CYRIA: variants seen among roughly 807,000 people sequenced by gnomAD.
CYRIA encodes the protein CYFIP-related Rac1 interactor A.
In CYRIA, 15 loss-of-function variants were observed where a neutral mutation model predicts 43.9. The observed-to-expected ratio is 0.34, with a 90% CI of 0.23 to 0.53. The LOEUF (loss-of-function observed/expected upper bound fraction) is 0.53. Among genes scored for constraint, CYRIA ranks in the 20% least tolerant of loss-of-function variants. CYRIA has a pLI of 0.94. For missense variants in CYRIA, 236 were observed against 394.2 expected (o/e 0.60, Z 3.40); for synonymous variants, 117 against 136.0 (o/e 0.86, Z 0.97).
chr2:16,645,019 G>A (rs988054182), intron 1 of CYRIA, among the ~76,000 whole-genome samples: 3 of 152,180 alleles, frequency 2.0e-5, no homozygotes, highest in African/African-American at 7.2e-5. Context: ...AGGAAAGAAA[G>A]CCTTGGGACA....
intron 3 of CYRIA, among the ~76,000 whole-genome samples, chr2:16,579,557 T>G (rs1667477127): frequency 1.3e-5 from 2 of 151,532 alleles, no homozygotes; most frequent in Non-Finnish European, 2.9e-5. Flanking sequence ...AAGCACAAAG[T>G]GAAAAGGTGT....
chr2:16,550,522 G>A lies in CYRIA; in HGVS notation c.*2414C>T, dbSNP rs1196204320. The A allele has an allele frequency of 6.6e-6, 1 of 152,122 alleles. No individual in the cohort carries two copies. The highest frequency in any genetic ancestry group is 1.5e-5 in the Non-Finnish European group (1 of 68,016). 9.4% of individuals were successfully genotyped at this position (152,122 alleles called of 1,614,324 possible). ...GACTTCTCAGAATCCATGTACTGCTGAGTCTTGGCTTTGAGACAAGACAAG... is the reference window on the plus strand; with the variant it reads ...GACTTCTCAGAATCCATGTACTGCTAAGTCTTGGCTTTGAGACAAGACAAG... On this transcript the variant is annotated 3_prime_UTR_variant, in exon 12 of 12. Coordinates refer to ENST00000381323, the MANE Select transcript of CYRIA (RefSeq NM_030797.4).
chr2:16,582,076 C>T lies in CYRIA; in HGVS notation c.70+5974G>A, dbSNP rs199950930. On this transcript the variant is annotated intron_variant, in intron 3 of 11. Coordinates refer to ENST00000381323, the MANE Select transcript of CYRIA (RefSeq NM_030797.4). ...GGTAGGTAGACTGCCTGGGAAGGGGCTTGATGGAACTTTCTGGAGTGACAT... is the reference window on the plus strand; with the variant it reads ...GGTAGGTAGACTGCCTGGGAAGGGGTTTGATGGAACTTTCTGGAGTGACAT... 5.3e-5 allele frequency among the ~76,000 whole-genome samples: 8 copies of T among 152,204 alleles called. No homozygotes were observed. The East Asian group carries it at 1.4e-3, about 26-fold the overall frequency.
At chr2:16,657,480 GT>G (rs5829557) in intron 1 of CYRIA, among the ~76,000 whole-genome samples, 47,412 of 140,312 alleles carry the variant, frequency 0.34, 8,314 homozygotes, top group African/African-American at 0.5. Flanking sequence ...GTTTTTTGTT[GT>G]TTTTTTTTTT....
At chr2:16,560,657 A>G in intron 9 of CYRIA, 1 of 333,024 alleles carries the variant, frequency 3.0e-6, no homozygotes, top group South Asian at 3.6e-5. Context: ...CTTCTCTACA[A>G]TATATTTATC....
At chr2:16,557,383 C>T (rs1051850713) in intron 10 of CYRIA, among the ~76,000 whole-genome samples, 12 of 151,852 alleles carry the variant, frequency 7.9e-5, no homozygotes, top group African/African-American at 2.7e-4. Flanking sequence ...AAAGCATGCC[C>T]TTTGTAAGTA....
intron 10 of CYRIA, among the ~76,000 whole-genome samples, chr2:16,557,134 C>T (rs1666551920): frequency 6.6e-6 from 1 of 152,172 alleles, no homozygotes; most frequent in Non-Finnish European, 1.5e-5. Context: ...TCCCCAAACC[C>T]TCCTTTCCTG....
chr2:16,606,956 C>T (rs1473193722), intron 2 of CYRIA, among the ~76,000 whole-genome samples: 1 of 151,542 alleles, frequency 6.6e-6, no homozygotes, highest in Non-Finnish European at 1.5e-5. Flanking sequence ...TATGTTGGTA[C>T]CGAAACAAAA....
chr2:16,588,033 T>C lies in CYRIA; in HGVS notation c.70+17A>G. The C allele has an allele frequency of 6.5e-7, 1 of 1,539,264 alleles. No individual in the cohort carries two copies. The highest frequency in any genetic ancestry group is 1.2e-5 in the South Asian group (1 of 86,650). ...GAATGTAAAAAAGTTTCCATTATTA[T>C]AATTTTTGGAACTTACTTTCAAAAT... On this transcript the variant is annotated intron_variant, in intron 3 of 11. Coordinates refer to ENST00000381323, the MANE Select transcript of CYRIA (RefSeq NM_030797.4).
At chr2:16,585,298 G>A (rs114690780) in intron 3 of CYRIA, among the ~76,000 whole-genome samples, 2,193 of 152,140 alleles carry the variant, frequency 0.014, 68 homozygotes, top group African/African-American at 0.05. Flanking sequence ...GGGACAGAAC[G>A]ATTGCTGTAG....
chr2:16,612,904 C>T (rs926348511), intron 2 of CYRIA, among the ~76,000 whole-genome samples: 3 of 152,126 alleles, frequency 2.0e-5, no homozygotes, highest in Non-Finnish European at 2.9e-5. Flanking sequence ...GTGGCACTTC[C>T]CCCCCATACT....
At chr2:16,568,561 TC>T (rs143074088) in intron 3 of CYRIA, among the ~76,000 whole-genome samples, 5,753 of 152,100 alleles carry the variant, frequency 0.038, 312 homozygotes, top group African/African-American at 0.11. Flanking sequence ...AAGGAAAGTG[TC>T]AGGGAAGAAA....
chr2:16,648,675 T>C (rs1669886487), intron 1 of CYRIA, among the ~76,000 whole-genome samples: 2 of 152,234 alleles, frequency 1.3e-5, no homozygotes, highest in South Asian at 4.1e-4. Flanking sequence ...TATTTTACTG[T>C]CTTGGGTTCC....
chr2:16,606,027 G>A (rs1199758672), intron 2 of CYRIA, among the ~76,000 whole-genome samples: 2 of 152,004 alleles, frequency 1.3e-5, no homozygotes, highest in Non-Finnish European at 2.9e-5. Context: ...TCTCCCTGGT[G>A]TGACCCTTCT....
intron 2 of CYRIA, among the ~76,000 whole-genome samples, chr2:16,590,109 C>T (rs1486245111): frequency 6.6e-6 from 1 of 151,450 alleles, no homozygotes; most frequent in African/African-American, 2.4e-5. Flanking sequence ...AAAGCAAACA[C>T]CATATTTCTC....
chr2:16,600,795 C>CGTTGTT (rs1196432382), intron 2 of CYRIA, among the ~76,000 whole-genome samples: 2 of 152,156 alleles, frequency 1.3e-5, no homozygotes, highest in African/African-American at 4.8e-5. Context: ...TCATTCAAAC[C>CGTTGTT]TTACAGCAAA....
intron 2 of CYRIA, among the ~76,000 whole-genome samples, chr2:16,599,779 CAG>C (rs1316398020): frequency 1.3e-5 from 2 of 152,014 alleles, no homozygotes; most frequent in African/African-American, 2.4e-5. Context: ...TTTTTTGAGA[CAG>C]AGTCTCATTC....
At chr2:16,559,617 T>A (rs1247759487) in intron 9 of CYRIA, 31 bp from the exon 10 acceptor site, 1 of 1,605,902 alleles carries the variant, frequency 6.2e-7, no homozygotes. Flanking sequence ...GTGGCGTCAC[T>A]TCCTTGTCAG....
chr2:16,644,903 G>C (rs1311067900), intron 1 of CYRIA, among the ~76,000 whole-genome samples: 1 of 152,188 alleles, frequency 6.6e-6, no homozygotes, highest in Admixed American at 6.5e-5. Context: ...TCTCATAGCA[G>C]ACGGCAGCTG....
Sources: allele counts gnomAD v4.1 joint callset (sites outside exome capture counted in the v4.1 genomes callset), GRCh38; gene constraint gnomAD v4.1.1; transcripts MANE v1.5; gene names NCBI Gene and HGNC (gene_info 2026-07-23, HGNC 2026-07-21).